BUD31: variants seen among roughly 807,000 people sequenced by gnomAD.
The protein encoded by BUD31 is BUD31 spliceosome associated protein.
Under a neutral mutation model 17.9 loss-of-function variants are expected in BUD31, and 9 were observed. That is an observed-to-expected ratio of 0.50 (90% CI 0.30 to 0.88). The LOEUF (loss-of-function observed/expected upper bound fraction) is 0.88, where lower values mean the gene tolerates loss of function less well. BUD31 is among the 40% of genes least tolerant of loss of function. The pLI is 0.06. For missense variants in BUD31, 148 were observed against 184.5 expected, an observed-to-expected ratio of 0.80 and a Z score of 1.15; for synonymous variants, 70 against 64.7, an observed-to-expected ratio of 1.08 and a Z score of -0.39.
At chr7:99,409,539 G>C (rs1795087912) in intron 1 of BUD31, among the ~76,000 whole-genome samples, 1 of 151,934 alleles carries the variant, frequency 6.6e-6, no homozygotes, top group Non-Finnish European at 1.5e-5. Context: ...GTAGAAAAGC[G>C]ATCATTCTCT....
rs564005568 is a variant in BUD31, at chr7:99,413,185, GTAA to G, written c.94+2002_94+2004del. Among the ~76,000 whole-genome samples, 25 of 152,124 alleles carry G rather than the reference GTAA, an allele frequency of 1.6e-4. No homozygotes were observed. In the South Asian group the frequency reaches 5.2e-3, roughly 32 times the overall value. On this transcript the variant is annotated intron_variant, in intron 3 of 5. Transcript: ENST00000222969. ...TGTTGAGCTGAATTGTAATTCCTAG[GTAA>G]TAGAATGGCTTAAAAGCTGGAGACA...
In BUD31 at chr7:99,411,133, G is replaced by T; in HGVS notation, c.41G>T (p.Gly14Val). The T allele has an allele frequency of 6.2e-7, 1 of 1,614,132 alleles. No individual in the cohort carries two copies. The highest frequency in any genetic ancestry group is 2.2e-5 in the East Asian group (1 of 44,888). Reference sequence around the variant, plus strand: ...AGAAGCCGGAAAGCACCCCCAGATGGCTGGGAGTTGATTGAGCCAACACTG... The same window carrying T: ...AGAAGCCGGAAAGCACCCCCAGATGTCTGGGAGTTGATTGAGCCAACACTG... ...VKRSRKAPPD[G>V]WELIEPTLDE... The change falls in exon 3 of 6, where the codon GGC becomes GTC. Residue 14 changes from glycine to valine, a missense_variant. Coordinates refer to ENST00000222969, the MANE Select transcript of BUD31 (RefSeq NM_003910.4).
rs889826695 is a variant in BUD31, at chr7:99,414,359, C to T, written c.95-1779C>T. Reference sequence around the variant, plus strand: ...TTCACCACGTTGGTCAGGCTGATCTCGATCTCCTGACCTCGTGGTCCGCCC... The same window carrying T: ...TTCACCACGTTGGTCAGGCTGATCTTGATCTCCTGACCTCGTGGTCCGCCC... On this transcript the variant is annotated intron_variant, in intron 3 of 5. Coordinates refer to ENST00000222969, the MANE Select transcript of BUD31 (RefSeq NM_003910.4). Among the ~76,000 whole-genome samples, 3 of 152,082 alleles carry T rather than the reference C, an allele frequency of 2.0e-5. No individual in the cohort carries two copies. The East Asian group carries it at 5.8e-4, about 29-fold the overall frequency.
rs1795446182 is a variant in BUD31 at position 99,416,261 on chromosome 7, GTAAT to G, written c.217+4_217+7del. 3 of 1,613,038 alleles carry G rather than the reference GTAAT, an allele frequency of 1.9e-6. No homozygotes were observed. The highest frequency in any genetic ancestry group is 1.1e-5 in the South Asian group (1 of 91,048). On this transcript the variant is annotated splice_donor_variant and splice_donor_5th_base_variant and intron_variant, in intron 4 of 5. Transcript: ENST00000222969. LOFTEE classifies it high-confidence loss of function. Reference sequence around the variant, plus strand: ...TACAAGCGGAAAGCCATCAGCAGAGGTAATTAGTCAGTCTCTCTTGGACTTTGAA... The same window carrying G: ...TACAAGCGGAAAGCCATCAGCAGAGGTAGTCAGTCTCTCTTGGACTTTGAA...
chr7:99,410,902 G>T lies in BUD31; in HGVS notation c.-29-162G>T, dbSNP rs554209690. On this transcript the variant is annotated intron_variant, in intron 2 of 5. Coordinates refer to ENST00000222969, the MANE Select transcript of BUD31 (RefSeq NM_003910.4). ...AGTACCTTTCTGAAGATCACAGCGG[G>T]TAAGTAGCAGAGCCAGGATTTGAAC... Among the ~76,000 whole-genome samples, 6 of 152,312 alleles carry T rather than the reference G, an allele frequency of 3.9e-5. No individual in the cohort carries two copies. The East Asian group carries it at 1.2e-3, about 29-fold the overall frequency.
At position 99,416,203 on chromosome 7, in the gene BUD31, C is replaced by G. The variant is rs1256781823; in HGVS notation, c.160C>G (p.His54Asp). 1 of 1,613,946 alleles carries G rather than the reference C, an allele frequency of 6.2e-7. No homozygotes were observed. The highest frequency in any genetic ancestry group is 8.5e-7 in the Non-Finnish European group (1 of 1,179,924). Residue 54 changes from histidine to aspartate, a missense_variant, in exon 4 of 6, where the codon CAC becomes GAC. Coordinates refer to ENST00000222969, the MANE Select transcript of BUD31 (RefSeq NM_003910.4). ...ESLWPIFRIHHQKTRYIFDLF... is the reference protein window; with the variant it reads ...ESLWPIFRIHDQKTRYIFDLF... Reference sequence around the variant, plus strand: ...TCTGTGGCCCATCTTCAGGATCCACCACCAGAAAACCCGCTACATCTTCGA... The same window carrying G: ...TCTGTGGCCCATCTTCAGGATCCACGACCAGAAAACCCGCTACATCTTCGA...
Position 99,408,984 on chromosome 7 carries a change from C to T in BUD31, c.-427C>T, listed in dbSNP as rs563461578. ...GAAGCCTTCTGTCGAGAAGCAGCTA[C>T]CCAAGCTCCAGGAGCTTCCGGTATG... On this transcript the variant is annotated 5_prime_UTR_variant, in exon 1 of 6. Coordinates refer to ENST00000222969, the MANE Select transcript of BUD31 (RefSeq NM_003910.4). The T allele has an allele frequency of 5.2e-4, 83 of 158,256 alleles. No individual in the cohort carries two copies. The highest frequency in any genetic ancestry group is 8.3e-4 in the Non-Finnish European group (60 of 72,246). The allele number at this position is 158,256 out of a possible 1,614,324, so 9.8% of individuals were successfully genotyped here.
intron 5 of BUD31, 82 bp from the exon 6 acceptor site, chr7:99,419,309 C>T (rs536389004): frequency 5.4e-5 from 82 of 1,531,768 alleles, no homozygotes; most frequent in East Asian, 4.7e-4. Context: ...GCAGGTCCTT[C>T]GTGGGAGGGT....
At chr7:99,415,195 A>T in intron 3 of BUD31, 2 of 455,100 alleles carry the variant, frequency 4.4e-6, no homozygotes, top group South Asian at 3.1e-5. Context: ...CCCAAATGCC[A>T]GGCTGCACTG....
At chr7:99,415,516 C>G (rs369035597) in intron 3 of BUD31, among the ~76,000 whole-genome samples, 1 of 152,058 alleles carries the variant, frequency 6.6e-6, no homozygotes, top group Non-Finnish European at 1.5e-5. Flanking sequence ...TAACTGCGGG[C>G]GGGCCTGACT....
intron 1 of BUD31, among the ~76,000 whole-genome samples, chr7:99,409,685 G>C (rs370859613): frequency 6.9e-6 from 1 of 145,268 alleles, no homozygotes; most frequent in South Asian, 2.1e-4. Flanking sequence ...ATTCTCAGCT[G>C]TGTGACCCTG....
intron 3 of BUD31, chr7:99,411,391 T>TTTTTG (rs1795178853): frequency 5.8e-6 from 3 of 519,158 alleles, no homozygotes; most frequent in African/African-American, 3.9e-5. Flanking sequence ...AAAGGTGTTT[T>TTTTTG]TTTTTGTTTT....
At chr7:99,416,079 AAG>A in intron 3 of BUD31, 57 bp from the exon 4 acceptor site, 2 of 1,589,008 alleles carry the variant, frequency 1.3e-6, no homozygotes, top group Non-Finnish European at 1.7e-6. Flanking sequence ...TACTTACAAA[AAG>A]AAAATCCTGC....
At chr7:99,411,818 C>T (rs896504066) in intron 3 of BUD31, 7 of 417,504 alleles carry the variant, frequency 1.7e-5, no homozygotes, top group African/African-American at 1.3e-4. Flanking sequence ...GATTTTCCTG[C>T]CTCTCAGCCT....
chr7:99,416,041 A>G (rs931030342), intron 3 of BUD31, 97 bp from the exon 4 acceptor site: 5 of 1,541,148 alleles, frequency 3.2e-6, no homozygotes, highest in Non-Finnish European at 4.4e-6. Context: ...TAGTGGGTAT[A>G]AAGTGGTATT....
At position 99,419,457 on chromosome 7, in the gene BUD31, C is replaced by T. The variant is rs780720019; in HGVS notation, c.*16C>T. ...CTCTGGCTGAGGCTGGCGCGCTCCA[C>T]CCTGGACTCTGGACTTCGCAGGTTC... On this transcript the variant is annotated 3_prime_UTR_variant, in exon 6 of 6. Transcript: ENST00000222969. 1.2e-6 allele frequency: 2 copies of T among 1,609,984 alleles called. No homozygotes were observed. The highest frequency in any genetic ancestry group is 1.3e-5 in the African/African-American group (1 of 74,948).
Position 99,415,646 on chromosome 7 carries a change from A to G in BUD31, c.95-492A>G, listed in dbSNP as rs1795397459. On this transcript the variant is annotated intron_variant, in intron 3 of 5. Coordinates refer to ENST00000222969, the MANE Select transcript of BUD31 (RefSeq NM_003910.4). ...GGTGTTTTTCCTTGACACTAACGCTACTGCTAGACCAAGGTCCGCTTGGCA... is the reference window on the plus strand; with the variant it reads ...GGTGTTTTTCCTTGACACTAACGCTGCTGCTAGACCAAGGTCCGCTTGGCA... Among the ~76,000 whole-genome samples, 3 of 152,230 alleles carry G rather than the reference A, an allele frequency of 2.0e-5. No individual in the cohort carries two copies. The South Asian group carries it at 6.2e-4, about 32-fold the overall frequency.
At chr7:99,413,035 G>A (rs1203889582) in intron 3 of BUD31, among the ~76,000 whole-genome samples, 2 of 152,098 alleles carry the variant, frequency 1.3e-5, no homozygotes, top group African/African-American at 2.4e-5. Context: ...TGGACTTACC[G>A]TTCCATGTGG....
chr7:99,415,872 T>G (rs1795415043), intron 3 of BUD31, among the ~76,000 whole-genome samples: 1 of 152,184 alleles, frequency 6.6e-6, no homozygotes, highest in Non-Finnish European at 1.5e-5. Flanking sequence ...TAAAGAGTAA[T>G]TGCTACAAAC....
Sources: gnomAD v4.1 joint callset for allele counts (sites outside exome capture counted in the v4.1 genomes callset) on GRCh38, gnomAD v4.1.1 for gene constraint, MANE v1.5 for transcripts, NCBI Gene and HGNC (gene_info 2026-07-23, HGNC 2026-07-21) for gene names.